DYNC2H1: variants seen among roughly 807,000 people sequenced by gnomAD.
DYNC2H1 encodes dynein cytoplasmic 2 heavy chain 1, also known as cytoplasmic dynein 2 heavy chain 1.
Under a neutral mutation model 570.0 loss-of-function variants are expected in DYNC2H1, and 410 were observed. That is an observed-to-expected ratio of 0.72 (90% CI 0.66 to 0.78). The LOEUF (loss-of-function observed/expected upper bound fraction) is 0.78, where lower values mean the gene tolerates loss of function less well. DYNC2H1 is among the 30% of genes least tolerant of loss of function. The pLI, the probability that DYNC2H1 is intolerant of heterozygous loss-of-function variation, is 0.00. For missense variants in DYNC2H1, 4,865 were observed against 5,046.4 expected (o/e 0.96, Z 1.09); for synonymous variants, 1,688 against 1,677.6 (o/e 1.01, Z -0.15).
At chr11:103,138,849 C>G (rs1859726709) in intron 17 of DYNC2H1, among the ~76,000 whole-genome samples, 1 of 151,728 alleles carries the variant, frequency 6.6e-6, no homozygotes, top group Admixed American at 6.6e-5. Flanking sequence ...GTCCTGGACT[C>G]TTTTTGGTTG....
At chr11:103,393,840 T>C (rs1190166766) in intron 83 of DYNC2H1, among the ~76,000 whole-genome samples, 1 of 152,180 alleles carries the variant, frequency 6.6e-6, no homozygotes, top group African/African-American at 2.4e-5. Flanking sequence ...TCACTTCTTA[T>C]GTGGATGCGG....
chr11:103,233,848 G>A (rs865815064), intron 60 of DYNC2H1, among the ~76,000 whole-genome samples, 186 bp from the exon 61 acceptor site: 127 of 97,290 alleles, frequency 1.3e-3, no homozygotes, highest in African/African-American at 4.1e-3. Flanking sequence ...GTGTGTGTGT[G>A]TGTGTGTGTG....
intron 52 of DYNC2H1, among the ~76,000 whole-genome samples, chr11:103,206,410 G>A (rs1862926349): frequency 6.6e-6 from 1 of 151,968 alleles, no homozygotes; most frequent in Non-Finnish European, 1.5e-5. Flanking sequence ...GAGCTCCAGG[G>A]GTCAGGCATA....
intron 84 of DYNC2H1, among the ~76,000 whole-genome samples, chr11:103,428,787 C>T (rs985096433): frequency 8.5e-5 from 13 of 152,098 alleles, no homozygotes; most frequent in African/African-American, 3.1e-4. Context: ...CCTCAAGGAA[C>T]ATCCATGCTG....
chr11:103,206,669 G>A (rs1218246932), intron 52 of DYNC2H1, among the ~76,000 whole-genome samples: 1 of 152,092 alleles, frequency 6.6e-6, no homozygotes, highest in Non-Finnish European at 1.5e-5. Context: ...AAGATAGCAT[G>A]TCAAAGGAAG....
At position 103,155,242 on chromosome 11, in the gene DYNC2H1, A is replaced by G. The variant is rs1015077902; in HGVS notation, c.3574-89A>G. 19 of 1,289,842 alleles carry G rather than the reference A, an allele frequency of 1.5e-5. No individual in the cohort carries two copies. In the Admixed American group the frequency reaches 2.3e-4, roughly 16 times the overall value. 79.9% of individuals were successfully genotyped at this position (1,289,842 alleles called of 1,614,324 possible). ...GGAATAATTAAAATTTTGGTAACTAATAAGCATAAAAGTAAATACTAATTT... is the reference window on the plus strand; with the variant it reads ...GGAATAATTAAAATTTTGGTAACTAGTAAGCATAAAAGTAAATACTAATTT... On this transcript the variant is annotated intron_variant, in intron 24 of 88. Coordinates refer to ENST00000375735, the MANE Select transcript of DYNC2H1 (RefSeq NM_001377.3).
intron 75 of DYNC2H1, among the ~76,000 whole-genome samples, chr11:103,294,714 C>T (rs1009387493): frequency 2.6e-5 from 4 of 152,124 alleles, no homozygotes; most frequent in Non-Finnish European, 5.9e-5. Flanking sequence ...TGAGGCTTGC[C>T]CAAGGCCTGT....
chr11:103,203,104 T>C lies in DYNC2H1; in HGVS notation c.8198-559T>C, dbSNP rs780184371. Among the ~76,000 whole-genome samples the C allele has an allele frequency of 6.6e-6, 1 of 152,192 alleles. No homozygotes were observed. Among genetic ancestry groups the C allele is most frequent in the Non-Finnish European group, 1.5e-5 (1 of 68,024 alleles). ...TAAATGTTGAACATTGTCAAATATT[T>C]GTCCTCAGAAATTTAAAGTCTAATT... On this transcript the variant is annotated intron_variant, in intron 50 of 88. Transcript: ENST00000375735. This position sits in a 1 kb window ranked among gnomAD's most constrained non-coding sequence, Gnocchi z 4.7.
intron 40 of DYNC2H1, among the ~76,000 whole-genome samples, chr11:103,183,057 G>C (rs1861919145): frequency 6.6e-6 from 1 of 151,802 alleles, no homozygotes; most frequent in African/African-American, 2.4e-5. Context: ...TACCAACTAT[G>C]TTATAATTGT....
intron 29 of DYNC2H1, among the ~76,000 whole-genome samples, chr11:103,161,414 A>C (rs150613632): frequency 6.6e-6 from 1 of 152,226 alleles, no homozygotes; most frequent in African/African-American, 2.4e-5. Context: ...AGTATTTGGG[A>C]CCAGAAGTGT....
intron 31 of DYNC2H1, among the ~76,000 whole-genome samples, chr11:103,168,198 C>G (rs1245131469): frequency 6.6e-6 from 1 of 152,180 alleles, no homozygotes; most frequent in Non-Finnish European, 1.5e-5. Flanking sequence ...TGGGTCCCAG[C>G]TGCCAGTGGG....
chr11:103,470,786 G>A (rs1030181011), intron 88 of DYNC2H1, among the ~76,000 whole-genome samples: 2 of 152,160 alleles, frequency 1.3e-5, no homozygotes, highest in East Asian at 1.9e-4. Context: ...TGGTGTATAT[G>A]TGCCACATTT....
intron 82 of DYNC2H1, among the ~76,000 whole-genome samples, chr11:103,353,286 C>A (rs1022291451): frequency 6.6e-6 from 1 of 152,196 alleles, no homozygotes; most frequent in Middle Eastern, 3.4e-3. Flanking sequence ...CACATGTATC[C>A]CGAAACTTAA....
At chr11:103,310,183 G>A (rs1293817486) in intron 78 of DYNC2H1, among the ~76,000 whole-genome samples, 1 of 151,874 alleles carries the variant, frequency 6.6e-6, no homozygotes, top group Non-Finnish European at 1.5e-5. Context: ...CTATACTTAT[G>A]AATTTGCTTT....
chr11:103,404,611 AGTGG>A (rs1942782722), intron 84 of DYNC2H1: 1 of 150,016 alleles, frequency 6.7e-6, no homozygotes, highest in Non-Finnish European at 1.5e-5. Flanking sequence ...ATAATGGTGA[AGTGG>A]ATTTTAGCCT....
At chr11:103,438,446 T>A (rs607914) in intron 85 of DYNC2H1, among the ~76,000 whole-genome samples, 86,893 of 151,804 alleles carry the variant, frequency 0.57, 25,336 homozygotes, top group East Asian at 0.72. Context: ...GAAGCACTAT[T>A]TGCAAGGATC....
rs751778009 is a variant in DYNC2H1, at chr11:103,134,307, C to G, written c.2107-14C>G. ...AGCAATACTTTGAGACTAGCATGCT[C>G]TAATTTTTCATAGGTGGTTGTTCTT... On this transcript the variant is annotated splice_polypyrimidine_tract_variant and intron_variant, in intron 14 of 88. Transcript: ENST00000375735. The G allele has an allele frequency of 6.2e-7, 1 of 1,611,306 alleles. No homozygotes were observed. Among genetic ancestry groups the G allele is most frequent in the Non-Finnish European group, 8.5e-7 (1 of 1,178,034 alleles).
At chr11:103,136,969 A>G (rs1342412745) in intron 17 of DYNC2H1, among the ~76,000 whole-genome samples, 3 of 151,568 alleles carry the variant, frequency 2.0e-5, no homozygotes, top group African/African-American at 7.3e-5. Flanking sequence ...CATTTCTCTG[A>G]TGGCCGGTGA....
At chr11:103,116,521 C>A in intron 4 of DYNC2H1, 49 bp from the exon 5 acceptor site, 1 of 1,426,222 alleles carries the variant, frequency 7.0e-7, no homozygotes, top group Non-Finnish European at 9.4e-7. Flanking sequence ...ATTATATTAC[C>A]CAAGGTACAA....
Sources: gnomAD v4.1 joint callset for allele counts (sites outside exome capture counted in the v4.1 genomes callset) on GRCh38, gnomAD v4.1.1 for gene constraint, Gnocchi (gnomAD v3.1) non-coding constraint, MANE v1.5 for transcripts, NCBI Gene and HGNC (gene_info 2026-07-23, HGNC 2026-07-21) for gene names.